The following SPATS2 variants were observed in gnomAD, a reference collection of about 807,000 sequenced individuals.
The protein encoded by SPATS2 is spermatogenesis associated serine rich 2.
Under a neutral mutation model 63.7 loss-of-function variants are expected in SPATS2, and 38 were observed. The observed-to-expected ratio is 0.60, with a 90% confidence interval of 0.46 to 0.78. SPATS2 has a LOEUF of 0.78. SPATS2 is among the 30% of genes least tolerant of loss of function. The pLI, the probability that SPATS2 is intolerant of heterozygous loss-of-function variation, is 0.00. For missense variants in SPATS2, 588 were observed against 666.2 expected (o/e 0.88, Z 1.29); for synonymous variants, 207 against 232.9 (o/e 0.89, Z 1.01).
intron 2 of SPATS2, among the ~76,000 whole-genome samples, chr12:49,435,972 T>G (rs1373901795): frequency 6.6e-6 from 1 of 150,420 alleles, no homozygotes; most frequent in African/African-American, 2.4e-5. Flanking sequence ...AGGTCACAGA[T>G]CAACAGGATC....
chr12:49,504,770 C>CTTTTTTTTTTTT (rs745453843), intron 9 of SPATS2, among the ~76,000 whole-genome samples: 48 of 98,804 alleles, frequency 4.9e-4, no homozygotes, highest in Non-Finnish European at 7.2e-4. Flanking sequence ...TTCTTTCTTT[C>CTTTTTTTTTTTT]TTTTTTTTTT....
intron 2 of SPATS2, among the ~76,000 whole-genome samples, chr12:49,429,535 T>C (rs895739604): frequency 1.3e-5 from 2 of 151,464 alleles, no homozygotes; most frequent in African/African-American, 2.4e-5. Context: ...AACCTCTGCC[T>C]CTGGGGTTCA....
In SPATS2 at chr12:49,514,704, A is replaced by G. The variant is rs1946810121; in HGVS notation, c.898+91A>G. ...CTTATAACAAAAGTTCCATATAAAT[A>G]CCATAATAAGAGTTTATATATTTAA... is the stretch of plus-strand genomic sequence containing the variant. On this transcript the variant is annotated intron_variant, in intron 10 of 13. Transcript: ENST00000552918. The G allele has an allele frequency of 6.2e-6, 7 of 1,121,774 alleles. No individual in the cohort carries two copies. The South Asian group carries it at 1.0e-4, about 16-fold the overall frequency. 69.5% of individuals were successfully genotyped at this position (1,121,774 alleles called of 1,614,324 possible).
intron 2 of SPATS2, among the ~76,000 whole-genome samples, chr12:49,376,092 ATTTTTTTT>A (rs749954777): frequency 7.4e-5 from 6 of 81,068 alleles, no homozygotes; most frequent in East Asian, 3.6e-4. Context: ...ACCTGGCCTG[ATTTTTTTT>A]TTTTTTTTTT....
chr12:49,519,228 C>A, intron 11 of SPATS2, 46 bp downstream of exon 11: 2 of 1,478,518 alleles, frequency 1.4e-6, no homozygotes, highest in Non-Finnish European at 1.9e-6. Context: ...TCCTCAGGGG[C>A]TAAAGTAAGA....
intron 2 of SPATS2, among the ~76,000 whole-genome samples, chr12:49,417,071 A>G (rs574340622): frequency 3.3e-5 from 5 of 152,226 alleles, no homozygotes; most frequent in African/African-American, 7.2e-5. Flanking sequence ...CTGTGGAAGA[A>G]GACTTCCCAG....
chr12:49,442,786 TAAAAAAAAAAAAAAAAAAAAAAAAAAAA>T (rs71439499), intron 2 of SPATS2: 2 of 27,154 alleles, frequency 7.4e-5, no homozygotes, highest in East Asian at 3.1e-3. Context: ...CATGTCTCCT[TAAAAAAAAAAAAAAAAAAAAAAAAAAAA>T]AAAAAAAATT....
chr12:49,477,962 C>CTT (rs1002916907), intron 3 of SPATS2, among the ~76,000 whole-genome samples: 68 of 105,214 alleles, frequency 6.5e-4, no homozygotes, highest in African/African-American at 9.9e-4. Flanking sequence ...GTGGTTTTGT[C>CTT]TTTTTTTTTT....
chr12:49,367,764 G>A (rs1481629824), intron 1 of SPATS2, among the ~76,000 whole-genome samples, 177 bp downstream of exon 1: 1 of 151,736 alleles, frequency 6.6e-6, no homozygotes, highest in Non-Finnish European at 1.5e-5. Context: ...GGTTCCTGGG[G>A]TCTGTGGGGC....
chr12:49,394,698 C>T (rs1214150777), intron 2 of SPATS2, among the ~76,000 whole-genome samples: 5 of 151,934 alleles, frequency 3.3e-5, no homozygotes, highest in Non-Finnish European at 4.4e-5. Flanking sequence ...TATCCTGCAA[C>T]GTTGCTAAAC....
chr12:49,457,671 A>G (rs746380510), intron 2 of SPATS2, among the ~76,000 whole-genome samples: 3 of 152,088 alleles, frequency 2.0e-5, no homozygotes, highest in African/African-American at 7.2e-5. Context: ...GACCTCAGGT[A>G]ATCCACCTGC....
Position 49,500,645 on chromosome 12 carries a change from G to A in SPATS2, c.839+440G>A, listed in dbSNP as rs375502707. Among the ~76,000 whole-genome samples, 66 of 152,116 alleles carry A rather than the reference G, an allele frequency of 4.3e-4. 1 individual carries two copies. In the East Asian group the frequency reaches 8.9e-3, roughly 21 times the overall value. On this transcript the variant is annotated intron_variant, in intron 9 of 13. Coordinates refer to ENST00000552918, the MANE Select transcript of SPATS2 (RefSeq NM_023071.4). ...AAATTAGCTGGGTGTGGTGGCGCGC[G>A]CCTGTAGTCCTAGCTACTCGGGAGG...
intron 2 of SPATS2, among the ~76,000 whole-genome samples, chr12:49,398,779 A>G (rs2137287145): frequency 6.6e-6 from 1 of 152,358 alleles, no homozygotes; most frequent in East Asian, 1.9e-4. Context: ...TGTTTTCCAG[A>G]AAATGATTTG....
chr12:49,499,974 T>C (rs1946536071), intron 8 of SPATS2, 96 bp from the exon 9 acceptor site: 2 of 963,258 alleles, frequency 2.1e-6, no homozygotes, highest in Admixed American at 8.2e-5. Context: ...ATTCTTAGTC[T>C]ACATGACATT....
chr12:49,483,027 G>A (rs753703035), intron 3 of SPATS2, among the ~76,000 whole-genome samples: 1 of 149,820 alleles, frequency 6.7e-6, no homozygotes, highest in Non-Finnish European at 1.5e-5. Context: ...GGGCTCAAGC[G>A]ATCCACCTGC....
chr12:49,494,994 A>G lies in SPATS2; in HGVS notation c.518A>G (p.Asp173Gly), dbSNP rs998634507. The change falls in exon 7 of 14, where the codon GAT becomes GGT. Residue 173 changes from aspartate (D) to glycine (G), a missense_variant. Coordinates refer to ENST00000552918, the MANE Select transcript of SPATS2 (RefSeq NM_023071.4). Reference protein sequence around the residue: ...DPESAMLDTLDRTGSMLQNGV... With the variant: ...DPESAMLDTLGRTGSMLQNGV... ...GAGTCTGCCATGCTAGATACGCTGG[A>G]TAGAACAGGTGAGTTTATTAACAGA... is the stretch of plus-strand genomic sequence containing the variant. 5.6e-6 allele frequency: 9 copies of G among 1,601,388 alleles called. No individual in the cohort carries two copies. The highest frequency in any genetic ancestry group is 7.7e-6 in the Non-Finnish European group (9 of 1,173,730).
At chr12:49,379,010 C>T (rs1280398574) in intron 2 of SPATS2, among the ~76,000 whole-genome samples, 6 of 151,786 alleles carry the variant, frequency 4.0e-5, no homozygotes, top group Non-Finnish European at 8.8e-5. Context: ...CTCTGCCTCC[C>T]GGGTTCAAGT....
At chr12:49,450,029 TATA>T (rs1945590247) in intron 2 of SPATS2, among the ~76,000 whole-genome samples, 1 of 152,192 alleles carries the variant, frequency 6.6e-6, no homozygotes, top group Non-Finnish European at 1.5e-5. Flanking sequence ...ATGACTCTCT[TATA>T]ATATGATTTC....
chr12:49,433,683 T>G (rs916395911), intron 2 of SPATS2, among the ~76,000 whole-genome samples: 6 of 152,202 alleles, frequency 3.9e-5, no homozygotes, highest in Admixed American at 1.3e-4. Context: ...TCTTCATAAA[T>G]TCTGGATATT....
Sources: gnomAD v4.1 joint callset for allele counts (sites outside exome capture counted in the v4.1 genomes callset) on GRCh38, gnomAD v4.1.1 for gene constraint, MANE v1.5 for transcripts, NCBI Gene and HGNC (gene_info 2026-07-23, HGNC 2026-07-21) for gene names.